Variants in ZNF660 observed in about 807,000 individuals in gnomAD.
ZNF660 encodes the protein zinc finger protein 660.
In ZNF660, 24 loss-of-function variants were observed where a neutral mutation model predicts 23.2. That is an observed-to-expected ratio of 1.04 (90% CI 0.75 to 1.46). ZNF660 has a LOEUF of 1.46. ZNF660 is among the 40% of genes most tolerant of loss of function. The probability of loss-of-function intolerance (pLI) is 0.00; values close to 1 mark genes in which losing one functional copy is unlikely to be tolerated. For missense variants in ZNF660, 373 were observed against 396.8 expected (o/e 0.94, Z 0.51); for synonymous variants, 117 against 131.4 (o/e 0.89, Z 0.75).
intron 2 of ZNF660, among the ~76,000 whole-genome samples, chr3:44,588,376 C>T (rs551866966): frequency 2.6e-5 from 4 of 152,132 alleles, no homozygotes; most frequent in South Asian, 4.1e-4. Flanking sequence ...TCTACCCCCA[C>T]GATCCAGTCA....
rs1700547998 is a variant in ZNF660 at position 44,594,642 on chromosome 3, T to C, written c.449T>C (p.Ile150Thr). 6.2e-7 allele frequency: 1 copy of C among 1,613,856 alleles called. No individual in the cohort carries two copies. The highest frequency in any genetic ancestry group is 8.5e-7 in the Non-Finnish European group (1 of 1,179,972). ...GKAFSRSSGL[I>T]SHHRVHTGEK... ...GCCTTTAGTCGGAGTTCGGGCCTTA[T>C]ATCACATCACAGAGTTCACACCGGA... Residue 150 changes from isoleucine (I) to threonine (T), a missense_variant, in exon 3 of 3, where the codon ATA becomes ACA. By Grantham distance (89) the Ile-to-Thr change is moderately conservative. Transcript: ENST00000322734.
chr3:44,594,910 T>G lies in ZNF660; in HGVS notation c.717T>G (p.Leu239=), dbSNP rs759014620. The change falls in exon 3 of 3, where the codon CTT becomes CTG. Residue 239 remains leucine (L), a synonymous_variant. Transcript: ENST00000322734. ...LRKTLNEHQR[L]HRREKPYKCN... ...AAACTCTTAATGAACACCAGAGACT[T>G]CATCGTAGAGAGAAACCTTACAAAT... The G allele has an allele frequency of 6.2e-7, 1 of 1,614,032 alleles. No individual in the cohort carries two copies. Among genetic ancestry groups the G allele is most frequent in the East Asian group, 2.2e-5 (1 of 44,858 alleles).
rs1700631225 is a variant in ZNF660 at position 44,597,029 on chromosome 3, A to G, written c.*1840A>G. On this transcript the variant is annotated 3_prime_UTR_variant, in exon 3 of 3. Coordinates refer to ENST00000322734, the MANE Select transcript of ZNF660 (RefSeq NM_173658.4). The surrounding 1 kb of genome is among the most constrained non-coding windows in gnomAD (Gnocchi z 4.1). Reference sequence around the variant, plus strand: ...AAGCCCACTGTTATCTGTCTTATGCACATAGTGAATTAGTGTTTGGGGAAT... The same window carrying G: ...AAGCCCACTGTTATCTGTCTTATGCGCATAGTGAATTAGTGTTTGGGGAAT... 6.6e-6 allele frequency: 1 copy of G among 152,230 alleles called. No homozygotes were observed. The highest frequency in any genetic ancestry group is 2.4e-5 in the African/African-American group (1 of 41,454). The allele number at this position is 152,230 out of a possible 1,614,324, so 9.4% of individuals were successfully genotyped here.
At chr3:44,585,290 C>T (rs1327722839) in intron 1 of ZNF660, among the ~76,000 whole-genome samples, 2 of 152,182 alleles carry the variant, frequency 1.3e-5, no homozygotes, top group African/African-American at 4.8e-5. Context: ...CGGGTAGTAG[C>T]GGTCGAGTCC....
Position 44,594,024 on chromosome 3 carries a change from T to A in ZNF660, c.-170T>A. On this transcript the variant is annotated 5_prime_UTR_variant, in exon 3 of 3. Transcript: ENST00000322734. ...TGTTTCTCCTGTCAGATGGTGAAAC[T>A]GGGACTGAGGAGGAGTTAATTCCAA... is the stretch of plus-strand genomic sequence containing the variant. 1 of 814,926 alleles carries A rather than the reference T, an allele frequency of 1.2e-6. No homozygotes were observed. Among genetic ancestry groups the A allele is most frequent in the South Asian group, 1.5e-5 (1 of 68,954 alleles). 50.5% of individuals were successfully genotyped at this position (814,926 alleles called of 1,614,324 possible). A position where few individuals can be genotyped will look rare whatever the true frequency, so the allele number is the denominator to read the frequency against.
In ZNF660 at chr3:44,597,179, A is replaced by G. The variant is rs1700637879; in HGVS notation, c.*1990A>G. 1 of 152,198 alleles carries G rather than the reference A, an allele frequency of 6.6e-6. No individual in the cohort carries two copies. The highest frequency in any genetic ancestry group is 2.4e-5 in the African/African-American group (1 of 41,448). 9.4% of individuals were successfully genotyped at this position (152,198 alleles called of 1,614,324 possible). On this transcript the variant is annotated 3_prime_UTR_variant, in exon 3 of 3. Coordinates refer to ENST00000322734, the MANE Select transcript of ZNF660 (RefSeq NM_173658.4). This position sits in a 1 kb window ranked among gnomAD's most constrained non-coding sequence, Gnocchi z 4.1. ...GAGCTCAGATCTGACTTTGAAATTC[A>G]TGCTTTCTTCATTATACCAAAGTGC...
rs1301537619 is a variant in ZNF660 at position 44,594,572 on chromosome 3, A to G, written c.379A>G (p.Ile127Val). 1 of 1,614,040 alleles carries G rather than the reference A, an allele frequency of 6.2e-7. No homozygotes were observed. The highest frequency in any genetic ancestry group is 1.7e-5 in the Admixed American group (1 of 60,006). Residue 127 changes from isoleucine to valine, a missense_variant, in exon 3 of 3, where the codon ATC becomes GTC. Transcript: ENST00000322734. ...GKSHLIRHQG[I>V]HSGEKTYECK... ...GTCACATCTTATTCGGCACCAGGGA[A>G]TCCACAGTGGGGAGAAAACTTATGA...
chr3:44,594,991 A>G lies in ZNF660; in HGVS notation c.798A>G (p.Arg266=). 6.2e-7 allele frequency: 1 copy of G among 1,614,016 alleles called. No homozygotes were observed. The part of the protein sequence containing the change: ...TSNRNLVDHQ[R]VHTGEKPYKC... ...ATCGAAACCTTGTTGATCATCAGAG[A>G]GTTCACACTGGAGAGAAACCCTATA... is the stretch of plus-strand genomic sequence containing the variant. Residue 266 remains arginine, a synonymous_variant, in exon 3 of 3, where the codon AGA becomes AGG. Transcript: ENST00000322734.
At chr3:44,588,812 CTGTCT>C (rs973889651) in intron 2 of ZNF660, among the ~76,000 whole-genome samples, 2 of 152,172 alleles carry the variant, frequency 1.3e-5, no homozygotes, top group African/African-American at 4.8e-5. Flanking sequence ...TCTGTCCTCT[CTGTCT>C]TATCATTCTC....
In ZNF660 at chr3:44,595,063, T is replaced by G; in HGVS notation, c.870T>G (p.Ile290Met). The G allele has an allele frequency of 1.9e-6, 3 of 1,613,736 alleles. No homozygotes were observed. Among genetic ancestry groups the G allele is most frequent in the Non-Finnish European group, 2.5e-6 (3 of 1,179,926 alleles). ...GKTFRQTSQV[I>M]LHLRTHTKEK... ...CCTTCAGGCAGACTTCTCAAGTTAT[T>G]CTACACTTGAGAACCCACACTAAGG... is the stretch of plus-strand genomic sequence containing the variant. Residue 290 changes from isoleucine (I) to methionine (M), a missense_variant, in exon 3 of 3, where the codon ATT (isoleucine) becomes ATG (methionine). Transcript: ENST00000322734.
At position 44,597,144 on chromosome 3, in the gene ZNF660, G is replaced by A. The variant is rs1319809106; in HGVS notation, c.*1955G>A. 2.6e-5 allele frequency: 4 copies of A among 152,204 alleles called. No individual in the cohort carries two copies. Among genetic ancestry groups the A allele is most frequent in the Non-Finnish European group, 5.9e-5 (4 of 68,034 alleles). 9.4% of individuals were successfully genotyped at this position (152,204 alleles called of 1,614,324 possible). Reference sequence around the variant, plus strand: ...GGTGACTGGCTAGTAAGTTGTCGGAGCCAGGATTTGAGCTCAGATCTGACT... The same window carrying A: ...GGTGACTGGCTAGTAAGTTGTCGGAACCAGGATTTGAGCTCAGATCTGACT... On this transcript the variant is annotated 3_prime_UTR_variant, in exon 3 of 3. Coordinates refer to ENST00000322734, the MANE Select transcript of ZNF660 (RefSeq NM_173658.4). The surrounding 1 kb of genome is among the most constrained non-coding windows in gnomAD (Gnocchi z 4.1).
chr3:44,588,182 T>G (rs182756049), intron 2 of ZNF660, among the ~76,000 whole-genome samples: 1 of 152,302 alleles, frequency 6.6e-6, no homozygotes, highest in Non-Finnish European at 1.5e-5. Context: ...GTTCAGTTTC[T>G]GGGGAGGCCT....
At chr3:44,588,877 G>T (rs1700322407) in intron 2 of ZNF660, among the ~76,000 whole-genome samples, 1 of 152,092 alleles carries the variant, frequency 6.6e-6, no homozygotes, top group South Asian at 2.1e-4. Context: ...AAATGTTTCT[G>T]TGTGTCCCCA....
chr3:44,590,837 C>T (rs922767931), intron 2 of ZNF660, among the ~76,000 whole-genome samples: 2 of 152,198 alleles, frequency 1.3e-5, no homozygotes, highest in African/African-American at 4.8e-5. Context: ...GTTTTCTCCA[C>T]CTGCTTCATC....
chr3:44,592,784 T>C (rs1046658512), intron 2 of ZNF660, among the ~76,000 whole-genome samples: 1 of 152,182 alleles, frequency 6.6e-6, no homozygotes, highest in African/African-American at 2.4e-5. Flanking sequence ...CTGGGCGCGG[T>C]GGCTAACGCC....
chr3:44,591,149 G>A (rs1700410409), intron 2 of ZNF660, among the ~76,000 whole-genome samples: 1 of 151,716 alleles, frequency 6.6e-6, no homozygotes, highest in South Asian at 2.1e-4. Flanking sequence ...TTTTTTTTGA[G>A]ACAAAGTCTT....
chr3:44,597,164 C>T lies in ZNF660; in HGVS notation c.*1975C>T, dbSNP rs1021958691. 3.9e-5 allele frequency: 6 copies of T among 152,212 alleles called. No individual in the cohort carries two copies. Among genetic ancestry groups the T allele is most frequent in the African/African-American group, 1.4e-4 (6 of 41,450 alleles). The allele number at this position is 152,212 out of a possible 1,614,324, so 9.4% of individuals were successfully genotyped here. On this transcript the variant is annotated 3_prime_UTR_variant, in exon 3 of 3. Coordinates refer to ENST00000322734, the MANE Select transcript of ZNF660 (RefSeq NM_173658.4). The surrounding 1 kb of genome is among the most constrained non-coding windows in gnomAD (Gnocchi z 4.1). The stretch of plus-strand genomic sequence containing the variant: ...TCGGAGCCAGGATTTGAGCTCAGAT[C>T]TGACTTTGAAATTCATGCTTTCTTC...
Position 44,594,766 on chromosome 3 carries a change from A to G in ZNF660, c.573A>G (p.Lys191=), listed in dbSNP as rs762267978. 2 of 1,614,140 alleles carry G rather than the reference A, an allele frequency of 1.2e-6. No individual in the cohort carries two copies. The highest frequency in any genetic ancestry group is 1.1e-5 in the South Asian group (1 of 91,080). Residue 191 remains lysine, a synonymous_variant, in exon 3 of 3, where the codon AAA becomes AAG. Transcript: ENST00000322734. ...TGCACAGAGGAAAAAAAGTTTACAA[A>G]TGTAAGGAGTGTGGGAAAACATGTG... The part of the protein sequence containing the change: ...QRMHRGKKVY[K]CKECGKTCGS...
At chr3:44,592,741 A>C (rs1700469153) in intron 2 of ZNF660, among the ~76,000 whole-genome samples, 1 of 152,142 alleles carries the variant, frequency 6.6e-6, no homozygotes, top group African/African-American at 2.4e-5. Context: ...AAGCAGACAG[A>C]CTACACTTGC....
Sources: allele counts gnomAD v4.1 joint callset (sites outside exome capture counted in the v4.1 genomes callset), GRCh38; gene constraint gnomAD v4.1.1; non-coding constraint Gnocchi (gnomAD v3.1); transcripts MANE v1.5; gene names NCBI Gene and HGNC (gene_info 2026-07-23, HGNC 2026-07-21).